The following WFS1 variants were observed in gnomAD, a reference collection of about 807,000 sequenced individuals.
The protein encoded by WFS1 is wolframin ER transmembrane glycoprotein.
A neutral mutation model predicts 68.5 loss-of-function variants in WFS1; 90 were observed. That is an observed-to-expected ratio of 1.31 (90% CI 1.11 to 1.56). The LOEUF (loss-of-function observed/expected upper bound fraction) is 1.56, where lower values mean the gene tolerates loss of function less well. WFS1 is among the 40% of genes most tolerant of loss of function. The pLI is 0.00. For synonymous variants in WFS1, 860 were observed against 540.7 expected (o/e 1.59, Z -8.19); for missense variants, 1,767 against 1,232.6 (o/e 1.43, Z -6.49).
chr4:6,278,466 C>A (rs1388895685), intron 2 of WFS1, among the ~76,000 whole-genome samples: 1 of 152,222 alleles, frequency 6.6e-6, no homozygotes, highest in East Asian at 1.9e-4. Context: ...ATGCAGAAGC[C>A]CCAGACCCAT....
Position 6,300,789 on chromosome 4 carries a change from A to G in WFS1, c.994A>G (p.Ile332Val), listed in dbSNP as rs564413149. The change falls in exon 8 of 8, where the codon ATC becomes GTC. Residue 332 changes from isoleucine (I) to valine (V), a missense_variant. Physicochemically the swap from Ile to Val is conservative, Grantham distance 29. Transcript: ENST00000226760. ...CATCAACGCGCTCATCTTCTTCTTC[A>G]TCGTCAGCAACCTCACCATCGACTT... ...HHINALIFFFIVSNLTIDFFA... is the reference protein window; with the variant it reads ...HHINALIFFFVVSNLTIDFFA... 1 of 1,613,934 alleles carries G rather than the reference A, an allele frequency of 6.2e-7. No homozygotes were observed. Among genetic ancestry groups the G allele is most frequent in the African/African-American group, 1.3e-5 (1 of 74,974 alleles).
chr4:6,300,902 G>A lies in WFS1; in HGVS notation c.1107G>A (p.Lys369=). ...CCCTCAAGGTGTTCCAGGACAGCAA[G>A]GCCTGGGAGAACTTCCGCACCCTCA... ...ICTLKVFQDS[K]AWENFRTLTD... is the part of the protein sequence containing the mutation. Residue 369 remains lysine (K), a synonymous_variant, in exon 8 of 8, where the codon AAG becomes AAA. Coordinates refer to ENST00000226760, the MANE Select transcript of WFS1 (RefSeq NM_006005.3). 6.2e-7 allele frequency: 1 copy of A among 1,614,178 alleles called. No individual in the cohort carries two copies. Among genetic ancestry groups the A allele is most frequent in the East Asian group, 2.2e-5 (1 of 44,880 alleles).
intron 1 of WFS1, among the ~76,000 whole-genome samples, chr4:6,274,695 G>C (rs945813113): frequency 6.6e-5 from 10 of 152,048 alleles, no homozygotes; most frequent in Non-Finnish European, 1.3e-4. Context: ...GTCTAGGCTG[G>C]GGGAGGGGGG....
chr4:6,273,596 CGTATTCCTG>C (rs1729899188), intron 1 of WFS1, among the ~76,000 whole-genome samples: 1 of 152,194 alleles, frequency 6.6e-6, no homozygotes, highest in African/African-American at 2.4e-5. Flanking sequence ...AAGTGCTTAA[CGTATTCCTG>C]GCAAGGCAGC....
chr4:6,285,079 G>C (rs574145781), intron 2 of WFS1, among the ~76,000 whole-genome samples: 1 of 151,828 alleles, frequency 6.6e-6, no homozygotes. Context: ...GCTGCCCTGC[G>C]GGACCTGATG....
intron 1 of WFS1, among the ~76,000 whole-genome samples, chr4:6,271,513 A>G (rs1176797231): frequency 2.6e-5 from 4 of 152,136 alleles, no homozygotes; most frequent in Admixed American, 6.5e-5. Flanking sequence ...GACGGTGGCA[A>G]TAAGAATCAT....
intron 6 of WFS1, among the ~76,000 whole-genome samples, 164 bp downstream of exon 6, chr4:6,292,161 C>T (rs71539663): frequency 9.1e-4 from 138 of 152,286 alleles, no homozygotes; most frequent in Non-Finnish European, 1.4e-3. Flanking sequence ...CCATCCTGGC[C>T]CTGCTAGGAT....
At position 6,301,091 on chromosome 4, in the gene WFS1, G is replaced by A. The variant is rs369981340; in HGVS notation, c.1296G>A (p.Leu432=). The A allele has an allele frequency of 6.2e-7, 1 of 1,614,012 alleles. No individual in the cohort carries two copies. Among genetic ancestry groups the A allele is most frequent in the Non-Finnish European group, 8.5e-7 (1 of 1,180,028 alleles). Residue 432 remains leucine (L), a synonymous_variant, in exon 8 of 8, where the codon CTG becomes CTA. Transcript: ENST00000226760. ...ASKDCIPCSE[L]AVITGFFTVT... is the part of the protein sequence containing the mutation. Reference sequence around the variant, plus strand: ...AGGACTGCATCCCCTGCTCGGAGCTGGCTGTCATCACCGGCTTCTTTACCG... The same window carrying A: ...AGGACTGCATCCCCTGCTCGGAGCTAGCTGTCATCACCGGCTTCTTTACCG...
intron 2 of WFS1, among the ~76,000 whole-genome samples, chr4:6,285,660 C>T (rs1730292248): frequency 6.6e-6 from 1 of 152,230 alleles, no homozygotes; most frequent in South Asian, 2.1e-4. Flanking sequence ...CTGGCCACAT[C>T]CCATGGTCTC....
At position 6,301,110 on chromosome 4, in the gene WFS1, T is replaced by G; in HGVS notation, c.1315T>G (p.Phe439Val). Residue 439 changes from phenylalanine (F) to valine (V), a missense_variant, in exon 8 of 8, where the codon TTT becomes GTT. Coordinates refer to ENST00000226760, the MANE Select transcript of WFS1 (RefSeq NM_006005.3). ...GGAGCTGGCTGTCATCACCGGCTTC[T>G]TTACCGTGACCAGCTACCTGAGCCT... ...CSELAVITGF[F>V]TVTSYLSLST... The G allele has an allele frequency of 6.2e-7, 1 of 1,613,812 alleles. No individual in the cohort carries two copies. The highest frequency in any genetic ancestry group is 2.2e-5 in the East Asian group (1 of 44,870).
At chr4:6,280,723 G>C (rs578039232) in intron 2 of WFS1, among the ~76,000 whole-genome samples, 1 of 152,306 alleles carries the variant, frequency 6.6e-6, no homozygotes, top group South Asian at 2.1e-4. Flanking sequence ...ATGTGGCCCT[G>C]GTGGGCACTC....
At chr4:6,281,755 C>G (rs1438034166) in intron 2 of WFS1, among the ~76,000 whole-genome samples, 8 of 152,130 alleles carry the variant, frequency 5.3e-5, no homozygotes, top group Non-Finnish European at 1.2e-4. Flanking sequence ...CTACTCAGGG[C>G]ACCCACCGTT....
In WFS1 at chr4:6,287,065, ATGTG is replaced by A; in HGVS notation, c.233-24_233-21del. Reference sequence around the variant, plus strand: ...AAGTGACAAAGTCTGGCTTTGTGACATGTGTGTTTGTTTCTTCTGTGTTAAAGGG... The same window carrying A: ...AAGTGACAAAGTCTGGCTTTGTGACATGTTTGTTTCTTCTGTGTTAAAGGG... On this transcript the variant is annotated intron_variant, in intron 2 of 7. Coordinates refer to ENST00000226760, the MANE Select transcript of WFS1 (RefSeq NM_006005.3). This position sits in a 1 kb window ranked among gnomAD's most constrained non-coding sequence, Gnocchi z 6.4. 6.5e-7 allele frequency: 1 copy of A among 1,546,240 alleles called. No homozygotes were observed. Among genetic ancestry groups the A allele is most frequent in the South Asian group, 1.2e-5 (1 of 84,006 alleles).
chr4:6,281,910 G>A (rs1345998707), intron 2 of WFS1, among the ~76,000 whole-genome samples: 2 of 152,230 alleles, frequency 1.3e-5, no homozygotes, highest in Non-Finnish European at 2.9e-5. Context: ...GAACTTGGCA[G>A]TGTGCCTGTC....
At chr4:6,299,670 G>A (rs916010846) in intron 7 of WFS1, among the ~76,000 whole-genome samples, 1 of 133,618 alleles carries the variant, frequency 7.5e-6, no homozygotes, top group East Asian at 2.4e-4. Context: ...TGTAGGGGTG[G>A]GTTGTTTGCG....
At position 6,301,715 on chromosome 4, in the gene WFS1, C is replaced by T. The variant is rs778066089; in HGVS notation, c.1920C>T (p.Leu640=). ...TGGTCAAGCTCATCCTGGTGTGGCT[C>T]ACGGCCATCGTGCTGTTCTGCTGGT... is the stretch of plus-strand genomic sequence containing the variant. ...SSMVKLILVW[L]TAIVLFCWFY... is the part of the protein sequence containing the mutation. Residue 640 remains leucine (L), a synonymous_variant, in exon 8 of 8, where the codon CTC becomes CTT. Coordinates refer to ENST00000226760, the MANE Select transcript of WFS1 (RefSeq NM_006005.3). 3 of 1,614,066 alleles carry T rather than the reference C, an allele frequency of 1.9e-6. No individual in the cohort carries two copies. Among genetic ancestry groups the T allele is most frequent in the East Asian group, 4.5e-5 (2 of 44,878 alleles).
intron 3 of WFS1, chr4:6,288,603 C>T (rs911501113): frequency 1.5e-5 from 5 of 340,668 alleles, no homozygotes; most frequent in Admixed American, 8.4e-5. Context: ...GGCGTCTCTC[C>T]AGCCCTGGCT....
Position 6,279,698 on chromosome 4 carries a change from G to A in WFS1, c.232+2011G>A, listed in dbSNP as rs1023872220. On this transcript the variant is annotated intron_variant, in intron 2 of 7. Transcript: ENST00000226760. Reference sequence around the variant, plus strand: ...CTACATTCTGGGGCTCATGTAGCGCGGGGGACAACCCACATTGCAGTCCCC... The same window carrying A: ...CTACATTCTGGGGCTCATGTAGCGCAGGGGACAACCCACATTGCAGTCCCC... 5.3e-5 allele frequency among the ~76,000 whole-genome samples: 8 copies of A among 152,296 alleles called. No individual in the cohort carries two copies. The South Asian group carries it at 1.5e-3, about 28-fold the overall frequency.
chr4:6,283,068 C>A lies in WFS1; in HGVS notation c.233-4025C>A, dbSNP rs1730211240. Among the ~76,000 whole-genome samples, 1 of 152,216 alleles carries A rather than the reference C, an allele frequency of 6.6e-6. No homozygotes were observed. Among genetic ancestry groups the A allele is most frequent in the Non-Finnish European group, 1.5e-5 (1 of 68,050 alleles). ...CGATGGACGATGACCCAGGTTCCAG[C>A]AAGATATGGCAGTGGGCTGTGCCGG... On this transcript the variant is annotated intron_variant, in intron 2 of 7. Transcript: ENST00000226760. This position sits in a 1 kb window ranked among gnomAD's most constrained non-coding sequence, Gnocchi z 5.0.
Sources: allele counts gnomAD v4.1 joint callset (sites outside exome capture counted in the v4.1 genomes callset), GRCh38; gene constraint gnomAD v4.1.1; non-coding constraint Gnocchi (gnomAD v3.1); transcripts MANE v1.5; gene names NCBI Gene and HGNC (gene_info 2026-07-23, HGNC 2026-07-21).